NTNG2: variants seen among roughly 807,000 people sequenced by gnomAD.
The protein encoded by NTNG2 is netrin-G2.
In NTNG2, 15 loss-of-function variants were observed where a neutral mutation model predicts 47.6. The observed-to-expected ratio is 0.32, with a 90% CI of 0.21 to 0.49. The LOEUF is 0.49. NTNG2 is among the 20% of genes least tolerant of loss of function. The pLI, the probability that NTNG2 is intolerant of heterozygous loss-of-function variation, is 0.99. For missense variants in NTNG2, 578 were observed against 764.6 expected (o/e 0.76, Z 2.88); for synonymous variants, 307 against 324.6 (o/e 0.95, Z 0.58).
At chr9:132,235,041 G>A (rs940854224) in intron 5 of NTNG2, among the ~76,000 whole-genome samples, 18 of 152,314 alleles carry the variant, frequency 1.2e-4, no homozygotes, top group African/African-American at 4.3e-4. Context: ...TGTGTGTCCC[G>A]TTAGTCTACG....
chr9:132,237,608 G>A (rs527990709), intron 5 of NTNG2, among the ~76,000 whole-genome samples: 157 of 152,340 alleles, frequency 1.0e-3, no homozygotes, highest in African/African-American at 3.7e-3. Context: ...CAGGATAGAG[G>A]ACCGATGCCT....
chr9:132,232,421 T>A (rs973676853), intron 5 of NTNG2: 2 of 152,434 alleles, frequency 1.3e-5, no homozygotes, highest in Non-Finnish European at 2.9e-5. Flanking sequence ...GGGCCAGACG[T>A]CCTGCCCCCT....
rs943325157 is a variant in NTNG2 at position 132,162,905 on chromosome 9, T to TGG, written c.-484+671_-484+672dup. The stretch of plus-strand genomic sequence containing the variant: ...AACCTGGAACTGAGCGGCGCGCAGG[T>TGG]GGGGGGAGCAGAGGCGGCGGGAAGG... On this transcript the variant is annotated intron_variant, in intron 1 of 7. Coordinates refer to ENST00000393229, the MANE Select transcript of NTNG2 (RefSeq NM_032536.4). The surrounding 1 kb of genome is among the most constrained non-coding windows in gnomAD (Gnocchi z 4.6). Among the ~76,000 whole-genome samples the TGG allele has an allele frequency of 3.3e-5, 5 of 149,852 alleles. No homozygotes were observed. Among genetic ancestry groups the TGG allele is most frequent in the African/African-American group, 1.2e-4 (5 of 40,558 alleles).
chr9:132,187,649 C>T (rs1050384861), intron 2 of NTNG2, among the ~76,000 whole-genome samples: 2 of 151,398 alleles, frequency 1.3e-5, no homozygotes, highest in Admixed American at 6.6e-5. Flanking sequence ...AGTTAGAGAC[C>T]GTCAGGGCCG....
In NTNG2 at chr9:132,166,705, C is replaced by G. The variant is rs1835519715; in HGVS notation, c.-127C>G. 2.4e-6 allele frequency: 2 copies of G among 846,256 alleles called. No homozygotes were observed. The highest frequency in any genetic ancestry group is 3.9e-6 in the Non-Finnish European group (2 of 515,900). The allele number at this position is 846,256 out of a possible 1,614,324, so 52.4% of individuals were successfully genotyped here. On this transcript the variant is annotated 5_prime_UTR_variant, in exon 2 of 8. Transcript: ENST00000393229. ...TTGCAAAGCTTCAGTGCTCGGGTCC[C>G]TGGGACACCCCGGCCACCCTCGCCT...
At chr9:132,217,008 G>A (rs1840037888) in intron 3 of NTNG2, among the ~76,000 whole-genome samples, 1 of 152,198 alleles carries the variant, frequency 6.6e-6, no homozygotes, top group Non-Finnish European at 1.5e-5. Context: ...TGGACGCGAA[G>A]CCAGCACTGA....
chr9:132,205,753 T>G (rs1384499354), intron 3 of NTNG2, among the ~76,000 whole-genome samples: 1 of 151,926 alleles, frequency 6.6e-6, no homozygotes, highest in Non-Finnish European at 1.5e-5. Context: ...TGGGAGCGGG[T>G]GCCTGTAATC....
chr9:132,237,274 AG>A (rs1406665801), intron 5 of NTNG2, among the ~76,000 whole-genome samples: 1 of 152,132 alleles, frequency 6.6e-6, no homozygotes, highest in African/African-American at 2.4e-5. Context: ...TTGAGGCCAG[AG>A]GGGCCTCTCC....
At chr9:132,202,973 C>T (rs967716353) in intron 3 of NTNG2, among the ~76,000 whole-genome samples, 4 of 151,980 alleles carry the variant, frequency 2.6e-5, no homozygotes, top group Non-Finnish European at 4.4e-5. Flanking sequence ...TGTGAGGAGT[C>T]GATGAAATGC....
chr9:132,213,013 A>G (rs1428863941), intron 3 of NTNG2, among the ~76,000 whole-genome samples: 1 of 152,170 alleles, frequency 6.6e-6, no homozygotes, highest in African/African-American at 2.4e-5. Flanking sequence ...GATGGGAATT[A>G]CCATGTAGAA....
intron 3 of NTNG2, among the ~76,000 whole-genome samples, chr9:132,199,771 G>A (rs967327506): frequency 3.3e-5 from 5 of 152,196 alleles, no homozygotes; most frequent in African/African-American, 4.8e-5. Flanking sequence ...AAACCAGGCC[G>A]GAGTCAGATC....
chr9:132,226,827 T>C lies in NTNG2; in HGVS notation c.858-22T>C. On this transcript the variant is annotated intron_variant, in intron 3 of 7. Transcript: ENST00000393229. This position sits in a 1 kb window ranked among gnomAD's most constrained non-coding sequence, Gnocchi z 4.8. The stretch of plus-strand genomic sequence containing the variant: ...CTGCCCACAAGCTCTCTGACATCTC[T>C]GCCCTCTCGGTGTCTCCCCAGGTGC... 1 of 1,565,870 alleles carries C rather than the reference T, an allele frequency of 6.4e-7. No homozygotes were observed. Among genetic ancestry groups the C allele is most frequent in the Non-Finnish European group, 8.7e-7 (1 of 1,154,706 alleles).
chr9:132,218,086 C>A lies in NTNG2; in HGVS notation c.858-8763C>A, dbSNP rs1173332163. On this transcript the variant is annotated intron_variant, in intron 3 of 7. Coordinates refer to ENST00000393229, the MANE Select transcript of NTNG2 (RefSeq NM_032536.4). The surrounding 1 kb of genome is among the most constrained non-coding windows in gnomAD (Gnocchi z 5.4). ...GTGAGAAAAGCGAGACTCAGGTTGGCTAAGAATTTGTGCAGGCCACACAGC... is the reference window on the plus strand; with the variant it reads ...GTGAGAAAAGCGAGACTCAGGTTGGATAAGAATTTGTGCAGGCCACACAGC... Among the ~76,000 whole-genome samples the A allele has an allele frequency of 6.6e-6, 1 of 152,352 alleles. No individual in the cohort carries two copies. Among genetic ancestry groups the A allele is most frequent in the African/African-American group, 2.4e-5 (1 of 41,586 alleles).
intron 3 of NTNG2, among the ~76,000 whole-genome samples, chr9:132,225,519 G>A (rs11243679): frequency 0.12 from 17,814 of 152,060 alleles, 1,175 homozygotes; most frequent in Non-Finnish European, 0.16. Flanking sequence ...ATCCTCCTGC[G>A]TCAGCCTCCT....
chr9:132,241,123 T>C (rs962235241), intron 7 of NTNG2, 79 bp downstream of exon 7: 1 of 1,269,836 alleles, frequency 7.9e-7, no homozygotes, highest in East Asian at 3.8e-5. Flanking sequence ...CGGGGCCTAG[T>C]GGGACGGGGC....
chr9:132,179,430 G>A (rs747634143), intron 2 of NTNG2, among the ~76,000 whole-genome samples: 2 of 152,180 alleles, frequency 1.3e-5, no homozygotes, highest in Non-Finnish European at 2.9e-5. Context: ...TGCCAGCTGC[G>A]GTCTTCTCTG....
At chr9:132,233,382 G>A (rs1841384453) in intron 5 of NTNG2, 1 of 152,314 alleles carries the variant, frequency 6.6e-6, no homozygotes. Flanking sequence ...CTTCTGACTT[G>A]GTGCCAGGGC....
intron 3 of NTNG2, among the ~76,000 whole-genome samples, chr9:132,216,166 T>G (rs1839953655): frequency 6.6e-6 from 1 of 152,172 alleles, no homozygotes; most frequent in Admixed American, 6.5e-5. Flanking sequence ...CACCGGCCTT[T>G]AACCCAGCAG....
intron 2 of NTNG2, among the ~76,000 whole-genome samples, chr9:132,167,555 A>G (rs1835587996): frequency 6.6e-6 from 1 of 152,184 alleles, no homozygotes; most frequent in Non-Finnish European, 1.5e-5. Context: ...GGTTTGACGG[A>G]GGCTCAGAGG....
Sources: allele counts gnomAD v4.1 joint callset (sites outside exome capture counted in the v4.1 genomes callset), GRCh38; gene constraint gnomAD v4.1.1; non-coding constraint Gnocchi (gnomAD v3.1); transcripts MANE v1.5; gene names NCBI Gene and HGNC (gene_info 2026-07-23, HGNC 2026-07-21).